Variants in UFSP2 observed in about 807,000 individuals in gnomAD.
UFSP2 encodes UFM1 specific peptidase 2, also known as ufm1-specific protease 2.
Under a neutral mutation model 60.2 loss-of-function variants are expected in UFSP2, and 43 were observed. That is an observed-to-expected ratio of 0.71 (90% CI 0.56 to 0.92). The LOEUF is 0.92. Ranked by LOEUF, UFSP2 falls within the 40% of genes least tolerant of loss-of-function variation. UFSP2 has a pLI of 0.00. For synonymous variants in UFSP2, 183 were observed against 195.1 expected, an observed-to-expected ratio of 0.94 and a Z score of 0.52; for missense variants, 520 against 575.0, an observed-to-expected ratio of 0.90 and a Z score of 0.98.
intron 7 of UFSP2, among the ~76,000 whole-genome samples, chr4:185,412,665 G>T (rs1288727322): frequency 1.3e-5 from 2 of 152,046 alleles, no homozygotes; most frequent in South Asian, 4.2e-4. Flanking sequence ...GGATACAGAG[G>T]GTATGAGGTG....
intron 2 of UFSP2, among the ~76,000 whole-genome samples, chr4:185,419,087 C>T (rs1372917185): frequency 2.6e-5 from 4 of 152,046 alleles, no homozygotes; most frequent in African/African-American, 9.7e-5. Context: ...GTTTCTCATT[C>T]CCCCTACTTT....
chr4:185,403,656 A>G (rs1561107006), intron 10 of UFSP2, 38 bp from the exon 11 acceptor site: 2 of 1,598,182 alleles, frequency 1.3e-6, no homozygotes, highest in Admixed American at 1.8e-5. Flanking sequence ...ATGAAGGCAT[A>G]AACAAATGTC....
intron 7 of UFSP2, among the ~76,000 whole-genome samples, chr4:185,411,435 A>G (rs1358164201): frequency 6.6e-6 from 1 of 152,164 alleles, no homozygotes; most frequent in Non-Finnish European, 1.5e-5. Flanking sequence ...TAATAAAAAA[A>G]CAAAATAAGA....
chr4:185,408,049 A>C lies in UFSP2; in HGVS notation c.1008T>G (p.Asp336Glu), dbSNP rs747123689. The change falls in exon 9 of 12, where the codon GAT (aspartate) becomes GAG (glutamate). Residue 336 changes from aspartate (D) to glutamate (E), a missense_variant. Transcript: ENST00000264689. The stretch of plus-strand genomic sequence containing the variant: ...CAAATGTTGCTGGTTTGTCCCCGGC[A>C]TCGACTAGAGCCTTGATGTATTTAA... ...THREIQQALV[D>E]AGDKPATFVG... The C allele has an allele frequency of 6.2e-7, 1 of 1,613,882 alleles. No homozygotes were observed. Among genetic ancestry groups the C allele is most frequent in the African/African-American group, 1.3e-5 (1 of 74,940 alleles).
At chr4:185,418,346 TG>T in intron 4 of UFSP2, 94 bp downstream of exon 4, 2 of 956,970 alleles carry the variant, frequency 2.1e-6, no homozygotes, top group Non-Finnish European at 3.1e-6. Flanking sequence ...TTCTGACCTA[TG>T]ATAAGAGGGT....
intron 6 of UFSP2, 77 bp downstream of exon 6, chr4:185,415,078 A>G: frequency 1.7e-6 from 2 of 1,204,978 alleles, no homozygotes; most frequent in Non-Finnish European, 1.2e-6. Flanking sequence ...CCTTCCATTT[A>G]GTGGAAATAT....
chr4:185,424,651 T>C (rs1371321261), intron 1 of UFSP2, among the ~76,000 whole-genome samples: 1 of 152,102 alleles, frequency 6.6e-6, no homozygotes, highest in Non-Finnish European at 1.5e-5. Context: ...TAATAAGAAA[T>C]CAGTTAAATA....
chr4:185,415,333 AG>A lies in UFSP2; in HGVS notation c.505del (p.Leu169TrpfsTer9). The A allele has an allele frequency of 1.3e-6, 2 of 1,584,958 alleles. No individual in the cohort carries two copies. Among genetic ancestry groups the A allele is most frequent in the Non-Finnish European group, 1.7e-6 (2 of 1,172,928 alleles). On this transcript the variant is annotated frameshift_variant, in exon 6 of 12. Coordinates refer to ENST00000264689, the MANE Select transcript of UFSP2 (RefSeq NM_018359.5). LOFTEE classifies it high-confidence loss of function. ...TAGTTGATTATGAATTGCATCAACC[AG>A]GAGTTTACGAACTCTGTGGGGGGAA... ...EETWGKVRKL[L>X]VDAIHNQLTD... is the part of the protein sequence containing the mutation.
At chr4:185,417,047 T>G (rs934913475) in intron 4 of UFSP2, among the ~76,000 whole-genome samples, 1 of 152,106 alleles carries the variant, frequency 6.6e-6, no homozygotes, top group Non-Finnish European at 1.5e-5. Flanking sequence ...AGGGAAAAAA[T>G]AGTACCTTTA....
At chr4:185,409,389 T>A (rs1247028601) in intron 7 of UFSP2, among the ~76,000 whole-genome samples, 1 of 152,152 alleles carries the variant, frequency 6.6e-6, no homozygotes, top group Non-Finnish European at 1.5e-5. Context: ...TGGGTCACAC[T>A]ATGTTGCTCA....
intron 1 of UFSP2, 135 bp downstream of exon 1, chr4:185,425,731 C>T: frequency 7.4e-7 from 1 of 1,356,256 alleles, no homozygotes; most frequent in Non-Finnish European, 1.0e-6. Flanking sequence ...GAGAGCCGCC[C>T]TGCCCACGCA....
At chr4:185,420,886 C>T (rs918019844) in intron 2 of UFSP2, among the ~76,000 whole-genome samples, 1 of 152,020 alleles carries the variant, frequency 6.6e-6, no homozygotes, top group Non-Finnish European at 1.5e-5. Flanking sequence ...ATCTGTAGTC[C>T]TTGTTTACAT....
At chr4:185,411,505 G>A (rs963616539) in intron 7 of UFSP2, among the ~76,000 whole-genome samples, 14 of 152,036 alleles carry the variant, frequency 9.2e-5, no homozygotes, top group African/African-American at 3.4e-4. Flanking sequence ...TGCAAAAATC[G>A]TAAAATATTA....
intron 4 of UFSP2, among the ~76,000 whole-genome samples, chr4:185,417,762 A>C (rs1318267961): frequency 6.6e-6 from 1 of 151,968 alleles, no homozygotes; most frequent in African/African-American, 2.4e-5. Context: ...CAACAGAACC[A>C]GCCGGGCGCG....
chr4:185,420,004 C>T (rs985057714), intron 2 of UFSP2, among the ~76,000 whole-genome samples: 1 of 152,180 alleles, frequency 6.6e-6, no homozygotes, highest in Non-Finnish European at 1.5e-5. Context: ...TTTTCAGCAG[C>T]CGCACCATTT....
In UFSP2 at chr4:185,405,760, CAG is replaced by C. The variant is rs751692132; in HGVS notation, c.1198+18_1198+19del. 18 of 1,611,898 alleles carry C rather than the reference CAG, an allele frequency of 1.1e-5. No individual in the cohort carries two copies. The African/African-American group carries it at 1.7e-4, about 16-fold the overall frequency. The stretch of plus-strand genomic sequence containing the variant: ...TGCATATTACTCACTCTACCAAAAA[CAG>C]TGTCTGAAACAGCTTACCGATCATA... On this transcript the variant is annotated intron_variant, in intron 10 of 11. Transcript: ENST00000264689.
At chr4:185,425,410 C>T (rs1410688239) in intron 1 of UFSP2, among the ~76,000 whole-genome samples, 3 of 152,022 alleles carry the variant, frequency 2.0e-5, no homozygotes, top group Non-Finnish European at 4.4e-5. Context: ...TTTAGGAGAA[C>T]GCATAGGGTG....
intron 6 of UFSP2, among the ~76,000 whole-genome samples, chr4:185,414,583 C>A (rs1257893781): frequency 6.6e-6 from 1 of 152,152 alleles, no homozygotes; most frequent in Non-Finnish European, 1.5e-5. Context: ...TAGGAAGATG[C>A]TCCACGGTCT....
At chr4:185,413,638 T>C (rs2095533379) in intron 7 of UFSP2, 88 bp downstream of exon 7, 1 of 1,242,694 alleles carries the variant, frequency 8.0e-7, no homozygotes, top group Non-Finnish European at 1.1e-6. Context: ...GAATACATAA[T>C]GAATCAAGTC....
Sources: gnomAD v4.1 joint callset for allele counts (sites outside exome capture counted in the v4.1 genomes callset) on GRCh38, gnomAD v4.1.1 for gene constraint, MANE v1.5 for transcripts, NCBI Gene and HGNC (gene_info 2026-07-23, HGNC 2026-07-21) for gene names.